The following PPP3CA variants were observed in gnomAD, a reference collection of about 807,000 sequenced individuals.
The protein encoded by PPP3CA is CAM-PRP catalytic subunit.
Under a neutral mutation model 66.5 loss-of-function variants are expected in PPP3CA, and 14 were observed. The observed-to-expected ratio is 0.21, with a 90% CI of 0.14 to 0.33. The LOEUF (loss-of-function observed/expected upper bound fraction) is 0.33. PPP3CA is among the 10% of genes least tolerant of loss of function. The pLI, the probability that PPP3CA is intolerant of heterozygous loss-of-function variation, is 1.00. For missense variants in PPP3CA, 317 were observed against 639.5 expected, an observed-to-expected ratio of 0.50 and a Z score of 5.44; for synonymous variants, 232 against 226.2, an observed-to-expected ratio of 1.03 and a Z score of -0.23.
chr4:101,311,325 C>T (rs1728715267), intron 1 of PPP3CA, among the ~76,000 whole-genome samples: 2 of 152,238 alleles, frequency 1.3e-5, no homozygotes, highest in East Asian at 1.9e-4. Flanking sequence ...TCTTTACAAC[C>T]AGCCCTATCA....
intron 1 of PPP3CA, among the ~76,000 whole-genome samples, chr4:101,241,665 T>G (rs1250578664): frequency 1.3e-5 from 2 of 152,128 alleles, no homozygotes; most frequent in Non-Finnish European, 2.9e-5. Context: ...TGAGATAGAA[T>G]GTATTATTAG....
At chr4:101,229,834 G>A (rs558135065) in intron 1 of PPP3CA, among the ~76,000 whole-genome samples, 5 of 151,590 alleles carry the variant, frequency 3.3e-5, no homozygotes, top group African/African-American at 4.8e-5. Flanking sequence ...TGCTTTGTGA[G>A]TAGCAGTTGT....
At chr4:101,088,950 G>A (rs1195044133) in intron 6 of PPP3CA, among the ~76,000 whole-genome samples, 10 of 152,120 alleles carry the variant, frequency 6.6e-5, no homozygotes, top group Admixed American at 1.3e-4. Flanking sequence ...AGAATGAACA[G>A]TAAACAAAAA....
chr4:101,174,024 C>T (rs1723970544), intron 2 of PPP3CA, among the ~76,000 whole-genome samples: 1 of 151,994 alleles, frequency 6.6e-6, no homozygotes, highest in African/African-American at 2.4e-5. Flanking sequence ...TGAACTCCAG[C>T]CCGGGCAACA....
At chr4:101,296,781 T>C (rs905439285) in intron 1 of PPP3CA, among the ~76,000 whole-genome samples, 1 of 152,176 alleles carries the variant, frequency 6.6e-6, no homozygotes, top group African/African-American at 2.4e-5. Context: ...TGATTATAAT[T>C]GATAAACTAA....
chr4:101,163,149 A>G (rs1198439951), intron 2 of PPP3CA, among the ~76,000 whole-genome samples: 1 of 152,188 alleles, frequency 6.6e-6, no homozygotes, highest in Non-Finnish European at 1.5e-5. Context: ...GCTATGGAGT[A>G]GTTACAGCTT....
At chr4:101,172,693 C>G (rs1723924636) in intron 2 of PPP3CA, among the ~76,000 whole-genome samples, 1 of 151,996 alleles carries the variant, frequency 6.6e-6, no homozygotes, top group South Asian at 2.1e-4. Flanking sequence ...ACCTAGTTTT[C>G]TAATGCAGAG....
chr4:101,155,211 T>A (rs1171761906), intron 2 of PPP3CA, among the ~76,000 whole-genome samples: 1 of 152,184 alleles, frequency 6.6e-6, no homozygotes, highest in Non-Finnish European at 1.5e-5. Flanking sequence ...GGACAAAATC[T>A]CATTCTTTCC....
chr4:101,247,567 A>G (rs1726528700), intron 1 of PPP3CA, among the ~76,000 whole-genome samples: 1 of 152,176 alleles, frequency 6.6e-6, no homozygotes. Flanking sequence ...CATCATTTCT[A>G]TATTTACCAT....
At chr4:101,139,296 G>C (rs969873472) in intron 2 of PPP3CA, among the ~76,000 whole-genome samples, 2 of 147,716 alleles carry the variant, frequency 1.4e-5, no homozygotes, top group Non-Finnish European at 3.0e-5. Flanking sequence ...GCAGGGAGCT[G>C]AGATCCCACC....
intron 1 of PPP3CA, among the ~76,000 whole-genome samples, chr4:101,249,461 T>C (rs1726602756): frequency 6.6e-6 from 1 of 152,098 alleles, no homozygotes; most frequent in South Asian, 2.1e-4. Context: ...TTTCACCCAT[T>C]GCAAAAGGAA....
rs536293953 is a variant in PPP3CA at position 101,177,042 on chromosome 4, A to T, written c.259+18874T>A. On this transcript the variant is annotated intron_variant, in intron 2 of 13. Transcript: ENST00000394854. ...TTGTGAAACAGGCCTGCTATATTTT[A>T]AAGACAAAAGAAACACATGTAGGAG... 1.4e-4 allele frequency among the ~76,000 whole-genome samples: 22 copies of T among 152,306 alleles called. No homozygotes were observed. In the South Asian group the frequency reaches 4.3e-3, roughly 30 times the overall value.
chr4:101,344,312 G>C (rs1729910201), intron 1 of PPP3CA, among the ~76,000 whole-genome samples: 1 of 152,108 alleles, frequency 6.6e-6, no homozygotes, highest in South Asian at 2.1e-4. Context: ...AATCAAAATA[G>C]ATTATCTCAA....
chr4:101,332,435 G>C (rs1578198944), intron 1 of PPP3CA, among the ~76,000 whole-genome samples: 1 of 152,132 alleles, frequency 6.6e-6, no homozygotes, highest in African/African-American at 2.4e-5. Flanking sequence ...AGAAAAACAA[G>C]GTGACACCTG....
chr4:101,236,771 A>T (rs1206546138), intron 1 of PPP3CA, among the ~76,000 whole-genome samples: 2 of 151,858 alleles, frequency 1.3e-5, no homozygotes, highest in Non-Finnish European at 2.9e-5. Context: ...TTTCTGGAGT[A>T]GGAATGTCCA....
intron 2 of PPP3CA, among the ~76,000 whole-genome samples, chr4:101,192,605 G>A (rs923540396): frequency 2.6e-5 from 4 of 152,078 alleles, no homozygotes; most frequent in Non-Finnish European, 4.4e-5. Flanking sequence ...AAAAATACCA[G>A]TGGCTTCCAT....
chr4:101,061,207 A>C (rs752166019), intron 9 of PPP3CA, 46 bp from the exon 10 acceptor site: 8 of 1,492,994 alleles, frequency 5.4e-6, no homozygotes, highest in Non-Finnish European at 6.5e-6. Context: ...TTTCTGTTAT[A>C]ACCTTAACTA....
chr4:101,192,712 T>C (rs145186309), intron 2 of PPP3CA, among the ~76,000 whole-genome samples: 20 of 152,338 alleles, frequency 1.3e-4, no homozygotes, highest in Admixed American at 5.9e-4. Flanking sequence ...ATGTAATCTG[T>C]CAATACTTTC....
intron 3 of PPP3CA, among the ~76,000 whole-genome samples, chr4:101,100,939 A>G (rs1046414647): frequency 3.3e-5 from 5 of 152,140 alleles, no homozygotes; most frequent in Non-Finnish European, 5.9e-5. Flanking sequence ...TAATTTATGA[A>G]ATGAGTGAGA....
Sources: allele counts gnomAD v4.1 joint callset (sites outside exome capture counted in the v4.1 genomes callset), GRCh38; gene constraint gnomAD v4.1.1; transcripts MANE v1.5; gene names NCBI Gene and HGNC (gene_info 2026-07-23, HGNC 2026-07-21).